Variants in KCNC2 observed in about 807,000 individuals in gnomAD.
KCNC2 encodes the protein potassium voltage-gated channel subfamily C member 2.
A neutral mutation model predicts 44.5 loss-of-function variants in KCNC2; 21 were observed. That is an observed-to-expected ratio of 0.47 (90% confidence interval 0.33 to 0.68). The LOEUF (loss-of-function observed/expected upper bound fraction) is 0.68, where lower values mean the gene tolerates loss of function less well. KCNC2 is among the 30% of genes least tolerant of loss of function. The pLI is 0.01. For synonymous variants in KCNC2, 391 were observed against 339.1 expected (o/e 1.15, Z -1.68); for missense variants, 589 against 826.2 (o/e 0.71, Z 3.52).
At chr12:75,197,987 AT>A (rs1421523209) in intron 2 of KCNC2, among the ~76,000 whole-genome samples, 2 of 151,988 alleles carry the variant, frequency 1.3e-5, no homozygotes, top group Non-Finnish European at 1.5e-5. Flanking sequence ...AATTAAAAAA[AT>A]CTTGCAACTG....
chr12:75,060,645 T>G (rs1490444155), intron 2 of KCNC2, among the ~76,000 whole-genome samples: 1 of 151,814 alleles, frequency 6.6e-6, no homozygotes, highest in East Asian at 1.9e-4. Flanking sequence ...TTTGTATTTT[T>G]TTTTAAATAG....
intron 2 of KCNC2, among the ~76,000 whole-genome samples, chr12:75,078,113 C>G (rs550780674): frequency 4.5e-4 from 69 of 152,192 alleles, no homozygotes; most frequent in African/African-American, 1.6e-3. Context: ...ATATATTCAG[C>G]TTTTCCTGGG....
chr12:75,068,558 A>G (rs917598027), intron 2 of KCNC2, among the ~76,000 whole-genome samples: 3 of 152,228 alleles, frequency 2.0e-5, no homozygotes, highest in Non-Finnish European at 4.4e-5. Context: ...AAGTAAAGCT[A>G]CATAAACAAA....
chr12:75,073,655 G>A (rs1452239260), intron 2 of KCNC2, among the ~76,000 whole-genome samples: 2 of 152,150 alleles, frequency 1.3e-5, no homozygotes, highest in Non-Finnish European at 2.9e-5. Context: ...GTGCAATTAA[G>A]ATATCTGCTT....
chr12:75,101,513 C>A (rs963964796), intron 2 of KCNC2, among the ~76,000 whole-genome samples: 1 of 152,082 alleles, frequency 6.6e-6, no homozygotes, highest in Non-Finnish European at 1.5e-5. Context: ...TTAGTTGATT[C>A]AGTGCAAGAG....
chr12:75,059,785 A>G (rs1223351168), intron 2 of KCNC2, among the ~76,000 whole-genome samples: 1 of 152,120 alleles, frequency 6.6e-6, no homozygotes, highest in African/African-American at 2.4e-5. Context: ...ATGTAAATAA[A>G]TTTTTTAATA....
At chr12:75,127,872 T>G (rs1442331698) in intron 2 of KCNC2, among the ~76,000 whole-genome samples, 7 of 152,166 alleles carry the variant, frequency 4.6e-5, no homozygotes, top group Non-Finnish European at 7.4e-5. Context: ...CCAGTTTCAG[T>G]TGCAATATTG....
chr12:75,142,750 C>T (rs145034821), intron 2 of KCNC2, among the ~76,000 whole-genome samples: 160 of 152,218 alleles, frequency 1.1e-3, no homozygotes, highest in African/African-American at 3.8e-3. Flanking sequence ...TGTCTCACAG[C>T]GTAGTAGTTG....
At chr12:75,131,306 G>A (rs1372501943) in intron 2 of KCNC2, among the ~76,000 whole-genome samples, 1 of 152,060 alleles carries the variant, frequency 6.6e-6, no homozygotes, top group Admixed American at 6.6e-5. Flanking sequence ...TTCTCAAATA[G>A]TAATTACATT....
chr12:75,200,149 C>T (rs1027420955), intron 2 of KCNC2, among the ~76,000 whole-genome samples: 1 of 151,812 alleles, frequency 6.6e-6, no homozygotes, highest in East Asian at 1.9e-4. Context: ...CCTATCCTTC[C>T]TAACAGTCTT....
chr12:75,188,975 G>C (rs558694046), intron 2 of KCNC2, among the ~76,000 whole-genome samples: 1 of 152,208 alleles, frequency 6.6e-6, no homozygotes, highest in South Asian at 2.1e-4. Context: ...AATCCAGAAG[G>C]GTTTGTATTA....
chr12:75,207,231 A>T lies in KCNC2; in HGVS notation c.687+66T>A. On this transcript the variant is annotated intron_variant, in intron 2 of 4. Coordinates refer to ENST00000549446, the MANE Select transcript of KCNC2 (RefSeq NM_139137.4). The surrounding 1 kb of genome is among the most constrained non-coding windows in gnomAD (Gnocchi z 4.1). ...GCCTGAGGCCCTGGGGTGGAAAAGA[A>T]CAGAAAGTTGGGGAGGGAGTTGGGA... is the stretch of plus-strand genomic sequence containing the variant. 6.7e-7 allele frequency: 1 copy of T among 1,498,812 alleles called. No homozygotes were observed. Among genetic ancestry groups the T allele is most frequent in the Non-Finnish European group, 8.9e-7 (1 of 1,126,080 alleles). 92.8% of individuals were successfully genotyped at this position (1,498,812 alleles called of 1,614,324 possible).
At chr12:75,075,876 C>T (rs866412614) in intron 2 of KCNC2, among the ~76,000 whole-genome samples, 20 of 152,140 alleles carry the variant, frequency 1.3e-4, no homozygotes, top group Non-Finnish European at 2.6e-4. Context: ...CTATCTCCAC[C>T]TGCCTTAAGA....
intron 2 of KCNC2, among the ~76,000 whole-genome samples, chr12:75,169,971 T>C (rs1180849931): frequency 2.0e-5 from 3 of 151,672 alleles, no homozygotes; most frequent in Non-Finnish European, 4.4e-5. Flanking sequence ...GACATAACAT[T>C]AGCAATAAAA....
At chr12:75,146,988 A>T (rs1402838742) in intron 2 of KCNC2, among the ~76,000 whole-genome samples, 1 of 152,144 alleles carries the variant, frequency 6.6e-6, no homozygotes, top group East Asian at 1.9e-4. Flanking sequence ...AAAAACCTTA[A>T]TATTTACACA....
chr12:75,199,858 G>A (rs951764694), intron 2 of KCNC2, among the ~76,000 whole-genome samples: 5 of 151,850 alleles, frequency 3.3e-5, no homozygotes, highest in African/African-American at 1.2e-4. Context: ...AGGAAAAATA[G>A]GTATCATTTC....
intron 2 of KCNC2, among the ~76,000 whole-genome samples, chr12:75,133,161 G>C (rs1490938333): frequency 6.6e-6 from 1 of 151,920 alleles, no homozygotes; most frequent in Non-Finnish European, 1.5e-5. Context: ...GGGCAATAAA[G>C]AGAGTTTGGT....
At chr12:75,077,271 T>C (rs1884078408) in intron 2 of KCNC2, among the ~76,000 whole-genome samples, 1 of 152,156 alleles carries the variant, frequency 6.6e-6, no homozygotes, top group African/African-American at 2.4e-5. Context: ...GCATTATTAC[T>C]TAAATAAGAA....
intron 2 of KCNC2, among the ~76,000 whole-genome samples, chr12:75,141,994 A>C (rs528864038): frequency 1.6e-4 from 25 of 152,156 alleles, no homozygotes; most frequent in Non-Finnish European, 2.9e-4. Context: ...TAGGTCTTAG[A>C]GAGGTTAAGT....
Sources: allele counts gnomAD v4.1 joint callset (sites outside exome capture counted in the v4.1 genomes callset), GRCh38; gene constraint gnomAD v4.1.1; non-coding constraint Gnocchi (gnomAD v3.1); transcripts MANE v1.5; gene names NCBI Gene and HGNC (gene_info 2026-07-23, HGNC 2026-07-21).